The following ATP8A2 variants were observed in gnomAD, a reference collection of about 807,000 sequenced individuals.
ATP8A2 encodes the protein ATPase phospholipid transporting 8A2.
A neutral mutation model predicts 165.6 loss-of-function variants in ATP8A2; 100 were observed. The ratio of observed to expected loss-of-function variants is 0.60; its 90% confidence interval spans 0.51 to 0.71. The LOEUF is 0.71. Among genes scored for constraint, ATP8A2 ranks in the 30% least tolerant of loss-of-function variants. The pLI, the probability that ATP8A2 is intolerant of heterozygous loss-of-function variation, is 0.00. For missense variants in ATP8A2, 1,227 were observed against 1,479.5 expected (o/e 0.83, Z 2.80); for synonymous variants, 543 against 548.8 (o/e 0.99, Z 0.15).
intron 33 of ATP8A2, among the ~76,000 whole-genome samples, chr13:25,952,605 T>G (rs2139151464): frequency 6.6e-6 from 1 of 152,248 alleles, no homozygotes; most frequent in Admixed American, 6.5e-5. Context: ...ACTCCTGACC[T>G]CAAACCGTCC....
chr13:25,517,903 T>A (rs1337856940), intron 2 of ATP8A2, among the ~76,000 whole-genome samples: 1 of 152,236 alleles, frequency 6.6e-6, no homozygotes, highest in Non-Finnish European at 1.5e-5. Context: ...ATTGACAGGC[T>A]CTATTTATCA....
chr13:25,802,412 A>C (rs1950640555), intron 27 of ATP8A2, among the ~76,000 whole-genome samples: 1 of 152,232 alleles, frequency 6.6e-6, no homozygotes, highest in Non-Finnish European at 1.5e-5. Flanking sequence ...AACTTTAAAA[A>C]AAATTGACTT....
intron 30 of ATP8A2, among the ~76,000 whole-genome samples, chr13:25,854,495 A>G (rs925136283): frequency 6.6e-6 from 1 of 152,054 alleles, no homozygotes; most frequent in Non-Finnish European, 1.5e-5. Context: ...GCTAGTTTTT[A>G]AAAAATTTGT....
chr13:25,513,825 C>T (rs1012469151), intron 2 of ATP8A2, among the ~76,000 whole-genome samples: 5 of 152,204 alleles, frequency 3.3e-5, no homozygotes, highest in Admixed American at 6.5e-5. Context: ...GGCGTGGCGG[C>T]GCGCGCCTGC....
rs558616533 is a variant in ATP8A2 at position 25,738,933 on chromosome 13, C to T, written c.2385-30113C>T. 1.9e-4 allele frequency among the ~76,000 whole-genome samples: 29 copies of T among 152,194 alleles called. No homozygotes were observed. The South Asian group carries it at 5.0e-3, about 26-fold the overall frequency. ...GTACATTATTGTGATGGTAACTGAA[C>T]TTATCAGAAGTCAACTTATCCTTGT... On this transcript the variant is annotated intron_variant, in intron 25 of 36. Transcript: ENST00000381655.
At chr13:25,532,424 G>A (rs1369268885) in intron 5 of ATP8A2, 107 bp downstream of exon 5, 9 of 704,010 alleles carry the variant, frequency 1.3e-5, no homozygotes, top group Non-Finnish European at 2.1e-5. Flanking sequence ...AAATTGGGAA[G>A]ATGATCTATA....
In ATP8A2 at chr13:25,577,542, G is replaced by GT. The variant is rs1293878274; in HGVS notation, c.1782+411dup. 2.6e-3 allele frequency among the ~76,000 whole-genome samples: 391 copies of GT among 151,754 alleles called. 1 individual carries two copies. The highest frequency in any genetic ancestry group is 8.1e-3 in the African/African-American group (334 of 41,414). ...AGCACCTCTTCTTCTCAATTGTTAT[G>GT]TTTTTTTCTCATACATTATAGAGAG... On this transcript the variant is annotated intron_variant, in intron 20 of 36. Transcript: ENST00000381655.
chr13:25,531,421 A>ATTATATATGAT (rs373705666), intron 4 of ATP8A2, among the ~76,000 whole-genome samples: 1 of 30,196 alleles, frequency 3.3e-5, no homozygotes, highest in African/African-American at 1.7e-4. Context: ...TATATATATG[A>ATTATATATGAT]TATATATATG....
chr13:25,956,760 A>G (rs1045797966), intron 33 of ATP8A2, among the ~76,000 whole-genome samples: 4 of 152,198 alleles, frequency 2.6e-5, no homozygotes, highest in African/African-American at 4.8e-5. Context: ...ACAGAATTAG[A>G]AAAAAACTAC....
intron 24 of ATP8A2, among the ~76,000 whole-genome samples, chr13:25,673,574 AT>A (rs1343358952): frequency 6.6e-6 from 1 of 152,214 alleles, no homozygotes; most frequent in Non-Finnish European, 1.5e-5. Flanking sequence ...TGTTTTACAA[AT>A]TGGCATTTAT....
chr13:25,744,877 T>G (rs1030927176), intron 25 of ATP8A2, among the ~76,000 whole-genome samples: 1 of 152,204 alleles, frequency 6.6e-6, no homozygotes, highest in African/African-American at 2.4e-5. Context: ...TACGGTTGCA[T>G]GACATGACTT....
At chr13:25,815,266 T>G (rs1030249097) in intron 27 of ATP8A2, among the ~76,000 whole-genome samples, 13 of 152,116 alleles carry the variant, frequency 8.5e-5, no homozygotes, top group African/African-American at 3.1e-4. Flanking sequence ...AAAGGCAGCC[T>G]ATGGAATGGG....
chr13:25,860,362 A>G (rs1358775776), intron 31 of ATP8A2, 106 bp downstream of exon 31: 48 of 612,328 alleles, frequency 7.8e-5, no homozygotes, highest in Non-Finnish European at 1.3e-4. Flanking sequence ...ATTTATTTCA[A>G]ATCTTCAAAA....
chr13:25,885,078 T>A (rs1229977896), intron 33 of ATP8A2, among the ~76,000 whole-genome samples: 1 of 150,494 alleles, frequency 6.6e-6, no homozygotes, highest in Non-Finnish European at 1.5e-5. Context: ...CTCTCCAGCC[T>A]GAGAGTCAGT....
intron 24 of ATP8A2, among the ~76,000 whole-genome samples, chr13:25,632,535 C>T (rs1349048762): frequency 1.3e-5 from 2 of 152,180 alleles, no homozygotes; most frequent in Non-Finnish European, 2.9e-5. Flanking sequence ...GGATGAAGAG[C>T]AAATACATAT....
chr13:26,019,118 G>A (rs1174399213), intron 36 of ATP8A2, among the ~76,000 whole-genome samples: 1 of 152,176 alleles, frequency 6.6e-6, no homozygotes, highest in East Asian at 1.9e-4. Flanking sequence ...ACAGGGCTGG[G>A]TGTGGTGGCT....
intron 24 of ATP8A2, among the ~76,000 whole-genome samples, chr13:25,600,873 C>G (rs1327085789): frequency 1.3e-5 from 2 of 152,166 alleles, no homozygotes; most frequent in Non-Finnish European, 2.9e-5. Flanking sequence ...CAGATAATAT[C>G]TAGCACCAGC....
At chr13:25,530,726 G>A (rs528754728) in intron 4 of ATP8A2, 66 bp downstream of exon 4, 17 of 1,004,302 alleles carry the variant, frequency 1.7e-5, no homozygotes, top group East Asian at 2.6e-5. Context: ...GTGTTGCCTC[G>A]GGTGATATAT....
At chr13:25,872,675 G>A (rs1370842350) in intron 33 of ATP8A2, among the ~76,000 whole-genome samples, 1 of 152,192 alleles carries the variant, frequency 6.6e-6, no homozygotes, top group Non-Finnish European at 1.5e-5. Flanking sequence ...TCTCTTGGCA[G>A]CCAACAATTC....
Sources: gnomAD v4.1 joint callset for allele counts (sites outside exome capture counted in the v4.1 genomes callset) on GRCh38, gnomAD v4.1.1 for gene constraint, MANE v1.5 for transcripts, NCBI Gene and HGNC (gene_info 2026-07-23, HGNC 2026-07-21) for gene names.